TMPRSS3: variants seen among roughly 807,000 people sequenced by gnomAD.
TMPRSS3 encodes the protein transmembrane serine protease 3, also known as transmembrane protease serine 3.
TMPRSS3 carries 55 observed loss-of-function variants against 59.6 expected under a neutral mutation model. The ratio of observed to expected loss-of-function variants is 0.92; its 90% CI spans 0.74 to 1.16. The LOEUF is 1.16. Ranked by LOEUF, TMPRSS3 falls within the 50% of genes most tolerant of loss-of-function variation. The pLI is 0.00. For missense variants in TMPRSS3, 596 were observed against 579.4 expected (o/e 1.03, Z -0.29); for synonymous variants, 257 against 237.7 (o/e 1.08, Z -0.75).
rs542121546 is a variant in TMPRSS3 at position 42,383,059 on chromosome 21, G to A, written c.756C>T (p.Ile252=). 4 of 1,614,148 alleles carry A rather than the reference G, an allele frequency of 2.5e-6. No individual in the cohort carries two copies. Among genetic ancestry groups the A allele is most frequent in the East Asian group, 2.2e-5 (1 of 44,882 alleles). ...CATAAACACAGTGTGCAGCAGTGAT[G>A]ATCCACAGGGGCGTGATGACAGAGC... ...CGGSVITPLW[I]ITAAHCVYDL... is the part of the protein sequence containing the mutation. The change falls in exon 8 of 13, where the codon ATC becomes ATT. Residue 252 remains isoleucine (I), a synonymous_variant. Transcript: ENST00000644384.
intron 3 of TMPRSS3, 42 bp downstream of exon 3, chr21:42,389,885 G>T (rs1374454842): frequency 9.6e-6 from 14 of 1,453,844 alleles, no homozygotes; most frequent in Non-Finnish European, 1.4e-5. Context: ...TAACTACTTG[G>T]CTAGGTATTT....
Position 42,389,411 on chromosome 21 carries a change from G to A in TMPRSS3, c.206-366C>T, listed in dbSNP as rs188355431. Among the ~76,000 whole-genome samples the A allele has an allele frequency of 2.0e-3, 305 of 152,352 alleles. 4 individuals are homozygous for A. Among genetic ancestry groups the A allele is most frequent in the Non-Finnish European group, 4.1e-4 (28 of 68,032 alleles). On this transcript the variant is annotated intron_variant, in intron 3 of 12. Transcript: ENST00000644384. ...CTCGGCCTTCCTGGTTTCTCTTACC[G>A]AAGGCAGAAAGTGAACGAAGTGTGG...
intron 7 of TMPRSS3, 55 bp from the exon 8 acceptor site, chr21:42,383,253 A>G (rs1471967602): frequency 3.1e-6 from 5 of 1,590,684 alleles, no homozygotes; most frequent in Non-Finnish European, 3.4e-6. Context: ...TTTGGGGGAC[A>G]TGGTGTCACC....
At chr21:42,395,748 C>T (rs62212897) in intron 1 of TMPRSS3, 194 bp downstream of exon 1, 1 of 390,310 alleles carries the variant, frequency 2.6e-6, no homozygotes, top group South Asian at 2.1e-5. Flanking sequence ...AACCAATCTT[C>T]AAATCGATTG....
chr21:42,378,095 G>A (rs1601517831), intron 10 of TMPRSS3, among the ~76,000 whole-genome samples: 1 of 151,468 alleles, frequency 6.6e-6, no homozygotes, highest in East Asian at 2.1e-4. Context: ...AGGGGTGCTG[G>A]TTCTGATGAA....
intron 5 of TMPRSS3, 147 bp from the exon 6 acceptor site, chr21:42,385,681 G>C (rs1035938425): frequency 7.3e-5 from 79 of 1,076,610 alleles, no homozygotes; most frequent in Non-Finnish European, 1.0e-4. Flanking sequence ...CCTTTGCCAA[G>C]AGAATGAAGT....
At chr21:42,387,061 G>T (rs759921307) in intron 5 of TMPRSS3, among the ~76,000 whole-genome samples, 4 of 149,720 alleles carry the variant, frequency 2.7e-5, no homozygotes, top group Non-Finnish European at 4.4e-5. Context: ...TTTACCAAAC[G>T]GGCTGGGGTG....
chr21:42,390,124 C>T, intron 2 of TMPRSS3, 87 bp from the exon 3 acceptor site: 1 of 1,034,250 alleles, frequency 9.7e-7, no homozygotes, highest in East Asian at 2.5e-5. Context: ...TCCTTTCCCC[C>T]TCCCCTCTTT....
At chr21:42,385,998 C>T (rs534229839) in intron 5 of TMPRSS3, among the ~76,000 whole-genome samples, 10 of 152,296 alleles carry the variant, frequency 6.6e-5, no homozygotes, top group East Asian at 1.9e-4. Context: ...ACATCCCTCA[C>T]CTGCCCAGGA....
In TMPRSS3 at chr21:42,376,585, T is replaced by C. The variant is rs1568877545; in HGVS notation, c.1147A>G (p.Met383Val). Residue 383 changes from methionine (M) to valine (V), a missense_variant, in exon 11 of 13, where the codon ATG becomes GTG. Transcript: ENST00000644384. ...DVYGGIISPS[M>V]LCAGYLTGGV... ...CCCGTCAGGTAGCCCGCGCAGAGCA[T>C]GGAGGGGGAGATGATGCCACCGTAC... 1 of 1,613,730 alleles carries C rather than the reference T, an allele frequency of 6.2e-7. No individual in the cohort carries two copies. Among genetic ancestry groups the C allele is most frequent in the South Asian group, 1.1e-5 (1 of 91,062 alleles).
intron 2 of TMPRSS3, among the ~76,000 whole-genome samples, chr21:42,391,868 T>G (rs550038286): frequency 6.6e-6 from 1 of 152,336 alleles, no homozygotes; most frequent in South Asian, 2.1e-4. Flanking sequence ...CAGGCAAATC[T>G]GGTGGAAACA....
chr21:42,377,080 G>A (rs183952637), intron 10 of TMPRSS3, among the ~76,000 whole-genome samples: 58 of 152,342 alleles, frequency 3.8e-4, no homozygotes, highest in African/African-American at 5.5e-4. Context: ...CTCACTCAGC[G>A]TCTTTGTGAA....
intron 12 of TMPRSS3, 93 bp from the exon 13 acceptor site, chr21:42,372,872 G>A (rs2052358965): frequency 6.9e-7 from 1 of 1,457,918 alleles, no homozygotes; most frequent in African/African-American, 1.4e-5. Context: ...TTGCCCTGTG[G>A]GAATTGTGGG....
intron 2 of TMPRSS3, among the ~76,000 whole-genome samples, chr21:42,392,448 C>T (rs1357923986): frequency 6.6e-6 from 1 of 152,132 alleles, no homozygotes; most frequent in Non-Finnish European, 1.5e-5. Flanking sequence ...GATGAGAGAC[C>T]GTGGCAAGTT....
At chr21:42,375,655 T>C (rs766902215) in intron 12 of TMPRSS3, 61 bp downstream of exon 12, 1 of 1,610,494 alleles carries the variant, frequency 6.2e-7, no homozygotes, top group Non-Finnish European at 8.5e-7. Flanking sequence ...AGGGTTGCAT[T>C]TAAGGGACCT....
chr21:42,384,010 C>T lies in TMPRSS3; in HGVS notation c.576G>A (p.Glu192=). ...TAACCACGTGGCCAGAGGCACATCC[C>T]TCCCTAAAGCGGAGAAAAAGTAGGC... is the stretch of plus-strand genomic sequence containing the variant. ...TALHHSVYVR[E]GCASGHVVTL... The change falls in exon 7 of 13, where the codon GAG becomes GAA. Residue 192 remains glutamate (E), a synonymous_variant. Transcript: ENST00000644384. The T allele has an allele frequency of 1.2e-6, 2 of 1,614,004 alleles. No homozygotes were observed. Among genetic ancestry groups the T allele is most frequent in the South Asian group, 1.1e-5 (1 of 91,060 alleles).
intron 12 of TMPRSS3, among the ~76,000 whole-genome samples, chr21:42,373,889 C>T (rs899349144): frequency 6.6e-6 from 1 of 152,194 alleles, no homozygotes; most frequent in Non-Finnish European, 1.5e-5. Flanking sequence ...AGCTCACCCA[C>T]GACAGCTGGA....
In TMPRSS3 at chr21:42,389,878, C is replaced by T. The variant is rs1340311884; in HGVS notation, c.205+49G>A. On this transcript the variant is annotated intron_variant, in intron 3 of 12. Coordinates refer to ENST00000644384, the MANE Select transcript of TMPRSS3 (RefSeq NM_001256317.3). ...AGAGGGGGCGCTCATGAAAGTTTAA[C>T]TACTTGGCTAGGTATTTGAGATCCT... is the stretch of plus-strand genomic sequence containing the variant. 5 of 1,414,610 alleles carry T rather than the reference C, an allele frequency of 3.5e-6. No homozygotes were observed. The South Asian group carries it at 4.6e-5, about 13-fold the overall frequency. The allele number at this position is 1,414,610 out of a possible 1,614,324, so 87.6% of individuals were successfully genotyped here. A position where few individuals can be genotyped will look rare whatever the true frequency, so the allele number is the denominator to read the frequency against.
In TMPRSS3 at chr21:42,388,920, T is replaced by C. The variant is rs750943695; in HGVS notation, c.322+9A>G. 1.1e-5 allele frequency: 18 copies of C among 1,612,068 alleles called. No homozygotes were observed. The highest frequency in any genetic ancestry group is 1.5e-5 in the Non-Finnish European group (18 of 1,178,240). The stretch of plus-strand genomic sequence containing the variant: ...TTCTGTTTCCCCAGGGGAAGAGCCA[T>C]GACCTTACCACAGCGGTACTCGTCC... On this transcript the variant is annotated intron_variant, in intron 4 of 12. Coordinates refer to ENST00000644384, the MANE Select transcript of TMPRSS3 (RefSeq NM_001256317.3). The surrounding 1 kb of genome is among the most constrained non-coding windows in gnomAD (Gnocchi z 5.1).
Sources: allele counts gnomAD v4.1 joint callset (sites outside exome capture counted in the v4.1 genomes callset), GRCh38; gene constraint gnomAD v4.1.1; non-coding constraint Gnocchi (gnomAD v3.1); transcripts MANE v1.5; gene names NCBI Gene and HGNC (gene_info 2026-07-23, HGNC 2026-07-21).